Variants in ZFHX4 observed in about 807,000 individuals in gnomAD.
The protein encoded by ZFHX4 is zinc finger homeobox 4.
ZFHX4 carries 56 observed loss-of-function variants against 267.6 expected under a neutral mutation model. The ratio of observed to expected loss-of-function variants is 0.21; its 90% CI spans 0.17 to 0.26. The LOEUF (loss-of-function observed/expected upper bound fraction) is 0.26. Among genes scored for constraint, ZFHX4 ranks in the 10% least tolerant of loss-of-function variants. The pLI, the probability that ZFHX4 is intolerant of heterozygous loss-of-function variation, is 1.00. For missense variants in ZFHX4, 4,332 were observed against 4,420.0 expected, an observed-to-expected ratio of 0.98 and a Z score of 0.56; for synonymous variants, 1,778 against 1,665.6, an observed-to-expected ratio of 1.07 and a Z score of -1.64.
intron 6 of ZFHX4, among the ~76,000 whole-genome samples, chr8:76,844,980 CTA>C (rs1291055097): frequency 2.6e-5 from 4 of 152,032 alleles, no homozygotes; most frequent in Admixed American, 1.3e-4. Flanking sequence ...TTGTTTTTCT[CTA>C]TATGTGTCAT....
Position 76,706,267 on chromosome 8 carries a change from G to A in ZFHX4, c.2179G>A (p.Val727Ile). Residue 727 changes from valine (V) to isoleucine (I), a missense_variant, in exon 2 of 11, where the codon GTT (valine) becomes ATT (isoleucine). Around this residue, in one of 7 missense-constraint regions of ZFHX4, gnomAD observed 1,195 missense variants for 1,173.6 expected, o/e 1.02. Transcript: ENST00000651372. The part of the protein sequence containing the change: ...HMQSDKHLNN[V>I]QNLQNGNGEQ... ...GCAGTCGGACAAGCACCTGAACAAT[G>A]TTCAGAATCTCCAAAATGGCAATGG... 2 of 1,614,090 alleles carry A rather than the reference G, an allele frequency of 1.2e-6. No individual in the cohort carries two copies. The highest frequency in any genetic ancestry group is 1.7e-6 in the Non-Finnish European group (2 of 1,180,010).
chr8:76,782,595 G>A (rs1252553683), intron 4 of ZFHX4, among the ~76,000 whole-genome samples: 1 of 151,346 alleles, frequency 6.6e-6, no homozygotes, highest in Non-Finnish European at 1.5e-5. Context: ...TATAATATTG[G>A]GAAACAACTG....
intron 3 of ZFHX4, among the ~76,000 whole-genome samples, chr8:76,771,764 G>T (rs1375429188): frequency 6.6e-6 from 1 of 152,158 alleles, no homozygotes; most frequent in African/African-American, 2.4e-5. Flanking sequence ...GAATTGATTA[G>T]AATGAATGAG....
intron 4 of ZFHX4, among the ~76,000 whole-genome samples, chr8:76,813,713 A>G (rs1013698415): frequency 1.3e-4 from 20 of 152,282 alleles, no homozygotes; most frequent in East Asian, 3.9e-4. Flanking sequence ...TCTCCTGGTA[A>G]TCTACACTCT....
intron 3 of ZFHX4, among the ~76,000 whole-genome samples, chr8:76,742,572 T>A (rs1563495886): frequency 6.6e-6 from 1 of 152,176 alleles, no homozygotes; most frequent in East Asian, 1.9e-4. Context: ...GACACTGGGA[T>A]ACAAGGACAA....
intron 3 of ZFHX4, among the ~76,000 whole-genome samples, chr8:76,737,130 A>G (rs1440709158): frequency 6.6e-6 from 1 of 152,124 alleles, no homozygotes; most frequent in East Asian, 1.9e-4. Flanking sequence ...TGTTTTCCCT[A>G]TCTACAATCA....
intron 4 of ZFHX4, among the ~76,000 whole-genome samples, chr8:76,817,864 G>A (rs1352004186): frequency 1.3e-5 from 2 of 152,190 alleles, no homozygotes; most frequent in Admixed American, 1.3e-4. Flanking sequence ...TCAGAATGAA[G>A]TGGAGAAAAG....
intron 6 of ZFHX4, among the ~76,000 whole-genome samples, chr8:76,848,097 G>T (rs958190225): frequency 6.6e-6 from 1 of 152,088 alleles, no homozygotes; most frequent in African/African-American, 2.4e-5. Flanking sequence ...CAGAAAAAAG[G>T]TCAGATGATG....
rs371549756 is a variant in ZFHX4 at position 76,851,072 on chromosome 8, G to C, written c.4151G>C (p.Arg1384Thr). ...GATCAATTAAATGAACAGCAAAAAA[G>C]GCAACCGCTCTCTGTTTCTGACCGT... is the stretch of plus-strand genomic sequence containing the variant. ...LQDQLNEQQK[R>T]QPLSVSDRHV... Residue 1384 changes from arginine to threonine, a missense_variant, in exon 10 of 11, where the codon AGG (arginine) becomes ACG (threonine). By Grantham distance (71) the Arg-to-Thr change is moderately conservative. Transcript: ENST00000651372. 6.2e-7 allele frequency: 1 copy of C among 1,613,824 alleles called. No individual in the cohort carries two copies. Among genetic ancestry groups the C allele is most frequent in the African/African-American group, 1.3e-5 (1 of 74,916 alleles).
rs1448891271 is a variant in ZFHX4 at position 76,864,083 on chromosome 8, A to G, written c.10369A>G (p.Ser3457Gly). 1.9e-6 allele frequency: 3 copies of G among 1,613,722 alleles called. No homozygotes were observed. Among genetic ancestry groups the G allele is most frequent in the African/African-American group, 1.3e-5 (1 of 74,904 alleles). The change falls in exon 11 of 11, where the codon AGT becomes GGT. Residue 3457 changes from serine (S) to glycine (G), a missense_variant. Physicochemically the swap from Ser to Gly is moderately conservative, Grantham distance 56. Around this residue, in one of 7 missense-constraint regions of ZFHX4, gnomAD observed 1,648 missense variants for 1,625.0 expected, o/e 1.01. Coordinates refer to ENST00000651372, the MANE Select transcript of ZFHX4 (RefSeq NM_024721.5). ...YQCLACDVAI[S>G]GNEALSQHLQ... ...GTGTCTTGCCTGTGATGTGGCTATC[A>G]GTGGGAATGAAGCACTTAGCCAACA...
chr8:76,716,051 G>A (rs1808562798), intron 3 of ZFHX4, among the ~76,000 whole-genome samples: 1 of 152,170 alleles, frequency 6.6e-6, no homozygotes, highest in African/African-American at 2.4e-5. Flanking sequence ...CTGAATGTGG[G>A]AAGAAATGAT....
At position 76,864,772 on chromosome 8, in the gene ZFHX4, G is replaced by A. The variant is rs1812987008; in HGVS notation, c.*207G>A. On this transcript the variant is annotated 3_prime_UTR_variant, in exon 11 of 11. Coordinates refer to ENST00000651372, the MANE Select transcript of ZFHX4 (RefSeq NM_024721.5). The stretch of plus-strand genomic sequence containing the variant: ...CTGATGCAGATGGTTGAATGCGCTT[G>A]TACTATATGCTAAAATATGGAAAAG... 1 of 375,712 alleles carries A rather than the reference G, an allele frequency of 2.7e-6. No individual in the cohort carries two copies. Among genetic ancestry groups the A allele is most frequent in the Non-Finnish European group, 4.8e-6 (1 of 208,972 alleles). 23.3% of individuals were successfully genotyped at this position (375,712 alleles called of 1,614,324 possible). A position where few individuals can be genotyped will look rare whatever the true frequency, so the allele number is the denominator to read the frequency against.
intron 3 of ZFHX4, among the ~76,000 whole-genome samples, chr8:76,747,354 T>C (rs1809485469): frequency 6.6e-6 from 1 of 152,052 alleles, no homozygotes; most frequent in Non-Finnish European, 1.5e-5. Flanking sequence ...GGGTTCGGAG[T>C]ACAAATGATG....
intron 5 of ZFHX4, among the ~76,000 whole-genome samples, chr8:76,842,018 C>G (rs1400057125): frequency 6.6e-6 from 1 of 152,124 alleles, no homozygotes; most frequent in Non-Finnish European, 1.5e-5. Flanking sequence ...TCCATGTAAT[C>G]TAGCTGGTGT....
At chr8:76,849,956 T>C (rs753727234) in intron 8 of ZFHX4, 13 of 585,588 alleles carry the variant, frequency 2.2e-5, no homozygotes, top group Non-Finnish European at 3.0e-5. Context: ...ATATCTATAA[T>C]GTTCATCAAA....
chr8:76,747,244 G>A (rs539365964), intron 3 of ZFHX4, among the ~76,000 whole-genome samples: 2 of 152,064 alleles, frequency 1.3e-5, no homozygotes, highest in Non-Finnish European at 2.9e-5. Flanking sequence ...AGAAAATAAA[G>A]CATGCTCTAT....
chr8:76,789,121 CAT>C (rs970450368), intron 4 of ZFHX4, among the ~76,000 whole-genome samples: 6 of 152,124 alleles, frequency 3.9e-5, no homozygotes, highest in African/African-American at 9.7e-5. Context: ...ACTAAACTGA[CAT>C]ATGATTGTGA....
chr8:76,747,011 T>C (rs1231760248), intron 3 of ZFHX4, among the ~76,000 whole-genome samples: 1 of 152,214 alleles, frequency 6.6e-6, no homozygotes, highest in Admixed American at 6.5e-5. Context: ...ATATTTTCTT[T>C]TTAACAAAAT....
chr8:76,772,550 A>G (rs1033706416), intron 3 of ZFHX4, among the ~76,000 whole-genome samples: 6 of 152,094 alleles, frequency 3.9e-5, no homozygotes, highest in Admixed American at 2.0e-4. Context: ...GACTCCCAGG[A>G]GTCATATTTT....
Sources: gnomAD v4.1 joint callset for allele counts (sites outside exome capture counted in the v4.1 genomes callset) on GRCh38, gnomAD v4.1.1 for gene constraint, gnomAD v4.1.1 regional missense constraint, MANE v1.5 for transcripts, NCBI Gene and HGNC (gene_info 2026-07-23, HGNC 2026-07-21) for gene names.